Variants in KCNAB2 observed in about 807,000 individuals in gnomAD.
KCNAB2 encodes the protein potassium voltage-gated channel subfamily A regulatory beta subunit 2.
In KCNAB2, 29 loss-of-function variants were observed where a neutral mutation model predicts 63.6. The observed-to-expected ratio is 0.46, with a 90% CI of 0.34 to 0.62. The LOEUF is 0.62. Among genes scored for constraint, KCNAB2 ranks in the 20% least tolerant of loss-of-function variants. The pLI, the probability that KCNAB2 is intolerant of heterozygous loss-of-function variation, is 0.01. For missense variants in KCNAB2, 359 were observed against 563.9 expected (o/e 0.64, Z 3.68); for synonymous variants, 222 against 224.2 (o/e 0.99, Z 0.09).
rs1189618343 is a variant in KCNAB2, at chr1:6,087,949, T to C, written c.470+438T>C. 6.6e-6 allele frequency among the ~76,000 whole-genome samples: 1 copy of C among 152,214 alleles called. No homozygotes were observed. The highest frequency in any genetic ancestry group is 2.1e-4 in the South Asian group (1 of 4,824). ...AATTCCCTGGGCCGCCTGTCACCCC[T>C]GCAGGTCTCCAAGTGTCTAGCTCCA... On this transcript the variant is annotated intron_variant, in intron 7 of 15. Transcript: ENST00000378083. This position sits in a 1 kb window ranked among gnomAD's most constrained non-coding sequence, Gnocchi z 6.4.
At position 5,994,084 on chromosome 1, in the gene KCNAB2, G is replaced by A. The variant is rs1033832834; in HGVS notation, c.-53+1296G>A. ...TATGGAAATTAATACATCCACATCC[G>A]AGGAGCAAGAACACCAAGTTCAGGC... is the stretch of plus-strand genomic sequence containing the variant. On this transcript the variant is annotated intron_variant, in intron 1 of 16. Transcript: ENST00000341524. This position sits in a 1 kb window ranked among gnomAD's most constrained non-coding sequence, Gnocchi z 5.4. Among the ~76,000 whole-genome samples, 2 of 152,216 alleles carry A rather than the reference G, an allele frequency of 1.3e-5. No individual in the cohort carries two copies. The highest frequency in any genetic ancestry group is 2.9e-5 in the Non-Finnish European group (2 of 68,044).
At chr1:6,037,519 C>G (rs553463590) in intron 1 of KCNAB2, among the ~76,000 whole-genome samples, 1 of 152,174 alleles carries the variant, frequency 6.6e-6, no homozygotes, top group Admixed American at 6.5e-5. Context: ...CTCAGGGGAG[C>G]CTGGGGGCAG....
Position 6,098,714 on chromosome 1 carries a change from T to G in KCNAB2, c.*140T>G. On this transcript the variant is annotated 3_prime_UTR_variant, in exon 16 of 16. Transcript: ENST00000378083. ...ACACTGTGATGTCATCGGGAAATGATCTCCCAAGTCGCTGCCAGACACCAC... is the reference window on the plus strand; with the variant it reads ...ACACTGTGATGTCATCGGGAAATGAGCTCCCAAGTCGCTGCCAGACACCAC... The G allele has an allele frequency of 1.8e-6, 2 of 1,108,356 alleles. No homozygotes were observed. Among genetic ancestry groups the G allele is most frequent in the South Asian group, 3.2e-5 (2 of 62,856 alleles). The allele number at this position is 1,108,356 out of a possible 1,614,324, so 68.7% of individuals were successfully genotyped here.
At position 6,099,948 on chromosome 1, in the gene KCNAB2, G is replaced by A; in HGVS notation, c.*1374G>A. 2 of 1,550,380 alleles carry A rather than the reference G, an allele frequency of 1.3e-6. No individual in the cohort carries two copies. The highest frequency in any genetic ancestry group is 8.7e-7 in the Non-Finnish European group (1 of 1,146,884). ...CTACAGGCCCAGGCCTGTGTCCCAA[G>A]CAGTACCCAGGCTTTGCAGACCACG... On this transcript the variant is annotated 3_prime_UTR_variant, in exon 16 of 16. Transcript: ENST00000378083.
intron 2 of KCNAB2, among the ~76,000 whole-genome samples, chr1:6,056,937 C>T (rs1661881705): frequency 6.6e-6 from 1 of 152,002 alleles, no homozygotes; most frequent in South Asian, 2.1e-4. Context: ...GTCTTCCTCA[C>T]CCCTCCTCCA....
Position 6,100,120 on chromosome 1 carries a change from C to G in KCNAB2, c.*1546C>G, listed in dbSNP as rs1406626711. On this transcript the variant is annotated 3_prime_UTR_variant, in exon 16 of 16. Transcript: ENST00000378083. ...GGAGGAGCCACTATTCCAGAAGGCT[C>G]CACCCTGCCGTCCTGCGGGAGCCTG... 2.1e-6 allele frequency: 3 copies of G among 1,434,166 alleles called. No homozygotes were observed. The highest frequency in any genetic ancestry group is 2.7e-6 in the Non-Finnish European group (3 of 1,091,182). The allele number at this position is 1,434,166 out of a possible 1,614,324, so 88.8% of individuals were successfully genotyped here. A position where few individuals can be genotyped will look rare whatever the true frequency, so the allele number is the denominator to read the frequency against.
intron 1 of KCNAB2, among the ~76,000 whole-genome samples, chr1:6,051,159 T>C (rs1444072029): frequency 6.6e-6 from 1 of 152,168 alleles, no homozygotes; most frequent in African/African-American, 2.4e-5. Flanking sequence ...GTCTTCAGCA[T>C]TTGGGGGGCT....
At position 6,003,766 on chromosome 1, in the gene KCNAB2, C is replaced by A. The variant is rs922247121; in HGVS notation, c.-53+10978C>A. ...TCTCCTCGTCGTCGTTTCACCGCAA[C>A]CTCGCCAGCAATGAGTATTTTCATT... On this transcript the variant is annotated intron_variant, in intron 1 of 16. Coordinates refer to the KCNAB2 transcript ENST00000341524. This position sits in a 1 kb window ranked among gnomAD's most constrained non-coding sequence, Gnocchi z 4.1. Among the ~76,000 whole-genome samples, 2 of 152,200 alleles carry A rather than the reference C, an allele frequency of 1.3e-5. No homozygotes were observed. Among genetic ancestry groups the A allele is most frequent in the African/African-American group, 4.8e-5 (2 of 41,434 alleles).
rs539174996 is a variant in KCNAB2 at position 6,019,610 on chromosome 1, C to T, written c.-52-20907C>T. On this transcript the variant is annotated intron_variant, in intron 1 of 16. Transcript: ENST00000341524. ...ACTGGAGCACCGGACTCCCTGCTCT[C>T]CAAAGCCCAGCTTGCCAGCCTCGAC... 5.3e-5 allele frequency among the ~76,000 whole-genome samples: 8 copies of T among 152,352 alleles called. No individual in the cohort carries two copies. The South Asian group carries it at 1.0e-3, about 20-fold the overall frequency.
intron 1 of KCNAB2, among the ~76,000 whole-genome samples, chr1:5,995,306 G>C (rs895156832): frequency 6.6e-6 from 1 of 152,186 alleles, no homozygotes; most frequent in African/African-American, 2.4e-5. Flanking sequence ...TAAACGGAAG[G>C]ACAGGCTTCT....
intron 2 of KCNAB2, among the ~76,000 whole-genome samples, chr1:6,058,276 TATCAGGA>T (rs1383001215): frequency 9.2e-5 from 14 of 152,228 alleles, no homozygotes; most frequent in African/African-American, 3.4e-4. Context: ...CACTCACAGG[TATCAGGA>T]ATTAGGATCT....
At chr1:6,027,871 A>C (rs1397396768) in intron 1 of KCNAB2, among the ~76,000 whole-genome samples, 1 of 152,154 alleles carries the variant, frequency 6.6e-6, no homozygotes, top group Non-Finnish European at 1.5e-5. Flanking sequence ...GGAGAGACTG[A>C]GGTTTCTCTG....
intron 4 of KCNAB2, among the ~76,000 whole-genome samples, chr1:6,076,728 T>C (rs1482094367): frequency 6.6e-6 from 1 of 152,162 alleles, no homozygotes; most frequent in Non-Finnish European, 1.5e-5. Flanking sequence ...GACAGATTCC[T>C]TGTCCCCCCA....
intron 15 of KCNAB2, chr1:6,097,821 C>T (rs943661404): frequency 3.0e-5 from 9 of 295,930 alleles, no homozygotes; most frequent in Admixed American, 1.4e-4. Context: ...CTGAGAGGCA[C>T]GAAACACCTC....
rs1206156980 is a variant in KCNAB2 at position 6,051,725 on chromosome 1, C to T, written c.189C>T (p.Cys63=). 1 of 1,533,528 alleles carries T rather than the reference C, an allele frequency of 6.5e-7. No homozygotes were observed. Among genetic ancestry groups the T allele is most frequent in the Non-Finnish European group, 8.7e-7 (1 of 1,146,606 alleles). The allele number at this position is 1,533,528 out of a possible 1,614,324, so 95.0% of individuals were successfully genotyped here. A position where few individuals can be genotyped will look rare whatever the true frequency, so the allele number is the denominator to read the frequency against. ...TGCACGGCCTTTCCCTGGACGGCTG[C>T]ACCGCCCAGCGCACAGGCATGAAGT... ...LRMHGLSLDG[C]TAQRTGMKYR... is the part of the protein sequence containing the mutation. The change falls in exon 2 of 16, where the codon TGC becomes TGT. Residue 63 remains cysteine, a synonymous_variant. Transcript: ENST00000378083.
intron 2 of KCNAB2, among the ~76,000 whole-genome samples, chr1:6,060,811 G>A (rs1287082867): frequency 1.3e-5 from 2 of 149,968 alleles, no homozygotes; most frequent in Admixed American, 6.7e-5. Context: ...GCTGAGGCAG[G>A]AGAATTGCTT....
intron 1 of KCNAB2, among the ~76,000 whole-genome samples, chr1:6,050,811 CCTGCTTAAATGCATTCTG>C (rs1557453648): frequency 6.6e-6 from 1 of 152,264 alleles, no homozygotes; most frequent in East Asian, 1.9e-4. Flanking sequence ...TCCTCCGCAA[CCTGCTTAAATGCATTCTG>C]CTCAGTTTTT....
intron 1 of KCNAB2, among the ~76,000 whole-genome samples, chr1:6,022,565 C>T (rs1266613182): frequency 6.6e-6 from 1 of 152,088 alleles, no homozygotes; most frequent in Admixed American, 6.5e-5. Flanking sequence ...AATATATGCA[C>T]TACCATCACC....
At chr1:6,057,357 C>T (rs1661926800) in intron 2 of KCNAB2, among the ~76,000 whole-genome samples, 1 of 152,076 alleles carries the variant, frequency 6.6e-6, no homozygotes, top group Admixed American at 6.5e-5. Context: ...TGTAGTTGCT[C>T]AGTTAACCAT....
Sources: allele counts gnomAD v4.1 joint callset (sites outside exome capture counted in the v4.1 genomes callset), GRCh38; gene constraint gnomAD v4.1.1; non-coding constraint Gnocchi (gnomAD v3.1); transcripts MANE v1.5; gene names NCBI Gene and HGNC (gene_info 2026-07-23, HGNC 2026-07-21).